FAM20A: variants seen among roughly 807,000 people sequenced by gnomAD.
The protein encoded by FAM20A is FAM20A golgi associated secretory pathway pseudokinase.
FAM20A carries 42 observed loss-of-function variants against 52.0 expected under a neutral mutation model. The observed-to-expected ratio is 0.81, with a 90% CI of 0.63 to 1.04. The LOEUF (loss-of-function observed/expected upper bound fraction) is 1.04. Ranked by LOEUF, FAM20A falls within the 50% of genes least tolerant of loss-of-function variation. FAM20A has a pLI of 0.00. For missense variants in FAM20A, 742 were observed against 712.7 expected (o/e 1.04, Z -0.47); for synonymous variants, 304 against 298.9 (o/e 1.02, Z -0.18).
At chr17:68,585,159 C>T (rs980948952) in intron 1 of FAM20A, among the ~76,000 whole-genome samples, 1 of 152,148 alleles carries the variant, frequency 6.6e-6, no homozygotes, top group Non-Finnish European at 1.5e-5. Context: ...CTAGGCTGGC[C>T]CTTAGACCTG....
At chr17:68,594,316 G>A (rs989577734) in intron 1 of FAM20A, among the ~76,000 whole-genome samples, 4 of 151,618 alleles carry the variant, frequency 2.6e-5, no homozygotes, top group Non-Finnish European at 4.4e-5. Flanking sequence ...GGAGAATGGC[G>A]TGAACCCGGG....
At position 68,600,541 on chromosome 17, in the gene FAM20A, C is replaced by G. The variant is rs2088593071; in HGVS notation, c.126G>C (p.Arg42=). Residue 42 remains arginine (R), a synonymous_variant, in exon 1 of 11, where the codon CGG becomes CGC. Coordinates refer to ENST00000592554, the MANE Select transcript of FAM20A (RefSeq NM_017565.4). This position sits in a 1 kb window ranked among gnomAD's most constrained non-coding sequence, Gnocchi z 6.2. ...AGGCGCGGCCGGTGCACGGGCACCC[C>G]CGCGGGCGCTCCCGAGGCCGCAGCT... is the stretch of plus-strand genomic sequence containing the variant. ...QRQLRPRERP[R]GCPCTGRASS... 8.3e-6 allele frequency: 13 copies of G among 1,560,522 alleles called. No homozygotes were observed. Among genetic ancestry groups the G allele is most frequent in the Non-Finnish European group, 1.1e-5 (13 of 1,153,206 alleles).
Position 68,600,480 on chromosome 17 carries a change from C to G in FAM20A, c.187G>C (p.Asp63His), listed in dbSNP as rs748122963. 3 of 1,603,754 alleles carry G rather than the reference C, an allele frequency of 1.9e-6. No homozygotes were observed. The highest frequency in any genetic ancestry group is 2.6e-6 in the Non-Finnish European group (3 of 1,175,600). Residue 63 changes from aspartate to histidine, a missense_variant, in exon 1 of 11, where the codon GAC becomes CAC. Coordinates refer to ENST00000592554, the MANE Select transcript of FAM20A (RefSeq NM_017565.4). This position sits in a 1 kb window ranked among gnomAD's most constrained non-coding sequence, Gnocchi z 6.2. ...LARDSAAAAS[D>H]PGTIVHNFSR... is the part of the protein sequence containing the mutation. The stretch of plus-strand genomic sequence containing the variant: ...AAGTTGTGCACGATCGTGCCGGGGT[C>G]CGAGGCAGCTGCGGCCGAGTCCCGC...
At chr17:68,571,725 C>G (rs944291197) in intron 1 of FAM20A, among the ~76,000 whole-genome samples, 7 of 151,944 alleles carry the variant, frequency 4.6e-5, no homozygotes, top group African/African-American at 1.7e-4. Context: ...AAGAATCCTC[C>G]TTCATACTGT....
chr17:68,550,434 G>A (rs1265298260), intron 4 of FAM20A, among the ~76,000 whole-genome samples: 1 of 141,056 alleles, frequency 7.1e-6, no homozygotes, highest in South Asian at 2.3e-4. Context: ...AGGCTGGAGT[G>A]CAGTGGTGCG....
At chr17:68,539,488 G>A in intron 9 of FAM20A, 92 bp from the exon 10 acceptor site, 1 of 1,185,926 alleles carries the variant, frequency 8.4e-7, no homozygotes, top group Non-Finnish European at 1.3e-6. Context: ...TTGTGAATCA[G>A]AGATTGGGGT....
chr17:68,562,754 T>C (rs2087252031), intron 1 of FAM20A, among the ~76,000 whole-genome samples: 1 of 152,192 alleles, frequency 6.6e-6, no homozygotes, highest in South Asian at 2.1e-4. Context: ...CTTGAGTCCC[T>C]GTGGTTAATT....
intron 1 of FAM20A, among the ~76,000 whole-genome samples, chr17:68,576,278 G>T (rs1216775772): frequency 6.6e-6 from 1 of 152,162 alleles, no homozygotes; most frequent in African/African-American, 2.4e-5. Context: ...CTTCACATGT[G>T]CTGGCTCATG....
At chr17:68,552,674 T>TC in intron 3 of FAM20A, among the ~76,000 whole-genome samples, 1 of 88,726 alleles carries the variant, frequency 1.1e-5, no homozygotes, top group East Asian at 2.7e-4. Flanking sequence ...TCCTTTTTTT[T>TC]TTTTTTTTTT....
At chr17:68,591,619 C>G (rs2088311091) in intron 1 of FAM20A, among the ~76,000 whole-genome samples, 1 of 152,232 alleles carries the variant, frequency 6.6e-6, no homozygotes, top group South Asian at 2.1e-4. Context: ...TGGCGAAACC[C>G]CACCTTCAAG....
rs1280385555 is a variant in FAM20A at position 68,535,188 on chromosome 17, A to G, written c.*2289T>C. On this transcript the variant is annotated 3_prime_UTR_variant, in exon 11 of 11. Coordinates refer to ENST00000592554, the MANE Select transcript of FAM20A (RefSeq NM_017565.4). ...TGAACATGCTGGAAGAACTCGAGTA[A>G]GAATGAAACGGTTGGTTTTCTGATA... 1 of 438,842 alleles carries G rather than the reference A, an allele frequency of 2.3e-6. No individual in the cohort carries two copies. The allele number at this position is 438,842 out of a possible 1,614,324, so 27.2% of individuals were successfully genotyped here.
chr17:68,539,142 C>T (rs1268283556), intron 10 of FAM20A, among the ~76,000 whole-genome samples, 195 bp downstream of exon 10: 1 of 152,120 alleles, frequency 6.6e-6, no homozygotes, highest in Non-Finnish European at 1.5e-5. Flanking sequence ...ATGAGACCAC[C>T]GTCATATATG....
intron 10 of FAM20A, 128 bp downstream of exon 10, chr17:68,539,209 A>T: frequency 2.4e-6 from 2 of 816,752 alleles, no homozygotes; most frequent in South Asian, 2.9e-5. Context: ...AAATAAGGTG[A>T]TTCATGTCAT....
Position 68,542,014 on chromosome 17 carries a change from G to T in FAM20A, c.1080C>A (p.Ile360=), listed in dbSNP as rs762506935. Residue 360 remains isoleucine (I), a synonymous_variant, in exon 7 of 11, where the codon ATC becomes ATA. Coordinates refer to ENST00000592554, the MANE Select transcript of FAM20A (RefSeq NM_017565.4). ...APRLSVPNPW[I]RSYTLAGKEE... is the part of the protein sequence containing the mutation. ...CTTTTCCTGCCAGTGTGTAGGAGCG[G>T]ATCCAGGGGTTGGGCACAGACAGCC... The T allele has an allele frequency of 6.2e-7, 1 of 1,614,096 alleles. No individual in the cohort carries two copies. The highest frequency in any genetic ancestry group is 8.5e-7 in the Non-Finnish European group (1 of 1,179,978).
At chr17:68,583,921 G>C (rs1214297282) in intron 1 of FAM20A, among the ~76,000 whole-genome samples, 2 of 151,634 alleles carry the variant, frequency 1.3e-5, no homozygotes. Flanking sequence ...CTGGGGATTA[G>C]AACATGAATA....
rs1407284676 is a variant in FAM20A, at chr17:68,535,153, C to G, written c.*2324G>C. 5.0e-6 allele frequency: 2 copies of G among 400,714 alleles called. No individual in the cohort carries two copies. The highest frequency in any genetic ancestry group is 9.8e-6 in the Non-Finnish European group (2 of 203,106). 24.8% of individuals were successfully genotyped at this position (400,714 alleles called of 1,614,324 possible). A position where few individuals can be genotyped will look rare whatever the true frequency, so the allele number is the denominator to read the frequency against. ...GACTTTTTATTTCATGGGAGGTAAA[C>G]AGTTCAAAATGAACATGCTGGAAGA... On this transcript the variant is annotated 3_prime_UTR_variant, in exon 11 of 11. Transcript: ENST00000592554.
At chr17:68,581,420 C>CTTTCTTTTTT (rs1299176126) in intron 1 of FAM20A, among the ~76,000 whole-genome samples, 9 of 47,784 alleles carry the variant, frequency 1.9e-4, no homozygotes, top group East Asian at 1.0e-3. Context: ...CTTTCTTTTT[C>CTTTCTTTTTT]TCTTTTCTTT....
chr17:68,591,563 A>G (rs914235616), intron 1 of FAM20A, among the ~76,000 whole-genome samples: 1 of 152,240 alleles, frequency 6.6e-6, no homozygotes, highest in African/African-American at 2.4e-5. Context: ...AAAAAATATA[A>G]TGACTTATTT....
chr17:68,563,847 T>C (rs2087295477), intron 1 of FAM20A, among the ~76,000 whole-genome samples: 2 of 152,202 alleles, frequency 1.3e-5, no homozygotes, highest in South Asian at 4.1e-4. Context: ...ATCTCTAGCA[T>C]TAACCTTTCT....
Sources: allele counts gnomAD v4.1 joint callset (sites outside exome capture counted in the v4.1 genomes callset), GRCh38; gene constraint gnomAD v4.1.1; non-coding constraint Gnocchi (gnomAD v3.1); transcripts MANE v1.5; gene names NCBI Gene and HGNC (gene_info 2026-07-23, HGNC 2026-07-21).